Variants in SYNE1 observed in about 807,000 individuals in gnomAD.
SYNE1 encodes nesprin-1.
In SYNE1, 616 loss-of-function variants were observed where a neutral mutation model predicts 1,111.0. That is an observed-to-expected ratio of 0.55 (90% CI 0.52 to 0.59). The LOEUF is 0.59. Ranked by LOEUF, SYNE1 falls within the 20% of genes least tolerant of loss-of-function variation. The probability of loss-of-function intolerance (pLI) is 0.00; values close to 1 mark genes in which losing one functional copy is unlikely to be tolerated. For synonymous variants in SYNE1, 3,855 were observed against 3,825.8 expected (o/e 1.01, Z -0.28); for missense variants, 10,006 against 10,417.0 (o/e 0.96, Z 1.72).
intron 113 of SYNE1, 121 bp from the exon 114 acceptor site, chr6:152,231,688 G>T: frequency 9.5e-7 from 1 of 1,050,124 alleles, no homozygotes. Context: ...AGCTGAAATG[G>T]CACAATTTGT....
At chr6:152,599,493 C>T (rs1456495210) in intron 3 of SYNE1, among the ~76,000 whole-genome samples, 1 of 152,130 alleles carries the variant, frequency 6.6e-6, no homozygotes, top group Non-Finnish European at 1.5e-5. Context: ...ACAATAAATG[C>T]TTGGAATTAG....
chr6:152,319,388 G>A (rs2095816635), intron 84 of SYNE1, among the ~76,000 whole-genome samples: 1 of 152,174 alleles, frequency 6.6e-6, no homozygotes, highest in South Asian at 2.1e-4. Context: ...TTCTTCATAA[G>A]ATGGAAAATC....
chr6:152,414,209 A>G (rs2098117656), intron 41 of SYNE1, among the ~76,000 whole-genome samples: 1 of 151,838 alleles, frequency 6.6e-6, no homozygotes. Context: ...TTCAAGACCA[A>G]CCTGGGCAAC....
intron 93 of SYNE1, among the ~76,000 whole-genome samples, chr6:152,298,099 T>C (rs2153801309): frequency 6.6e-6 from 1 of 152,354 alleles, no homozygotes; most frequent in South Asian, 2.1e-4. Flanking sequence ...TTTGGACAAC[T>C]GTAGCTACTA....
At position 152,321,230 on chromosome 6, in the gene SYNE1, A is replaced by G; in HGVS notation, c.16236+8T>C. 1 of 1,613,546 alleles carries G rather than the reference A, an allele frequency of 6.2e-7. No homozygotes were observed. ...TGGAAAGACACTCTTTCTTGATCAT[A>G]GGTTTACCTGATCTCGGATCTTTAG... On this transcript the variant is annotated splice_region_variant and intron_variant, in intron 84 of 145. Coordinates refer to ENST00000367255, the MANE Select transcript of SYNE1 (RefSeq NM_182961.4).
rs899329888 is a variant in SYNE1 at position 152,455,718 on chromosome 6, A to T, written c.2728-128T>A. 4.3e-6 allele frequency: 6 copies of T among 1,408,072 alleles called. No individual in the cohort carries two copies. In the Admixed American group the frequency reaches 9.1e-5, roughly 21 times the overall value. The allele number at this position is 1,408,072 out of a possible 1,614,324, so 87.2% of individuals were successfully genotyped here. A position where few individuals can be genotyped will look rare whatever the true frequency, so the allele number is the denominator to read the frequency against. On this transcript the variant is annotated intron_variant, in intron 23 of 145. Coordinates refer to ENST00000367255, the MANE Select transcript of SYNE1 (RefSeq NM_182961.4). ...CATTTCATCATCATGGGAATAATTA[A>T]CTCTTTTCAATATTAATTAATATTA...
chr6:152,397,479 C>G (rs548985), intron 49 of SYNE1, among the ~76,000 whole-genome samples: 59,379 of 151,894 alleles, frequency 0.39, 12,060 homozygotes, highest in East Asian at 0.76. Context: ...CTCCCCAGAG[C>G]TCTAGAGTGG....
chr6:152,184,631 TATAGATAGATAGATAGATAG>T (rs59272369), intron 128 of SYNE1, among the ~76,000 whole-genome samples: 1,733 of 143,014 alleles, frequency 0.012, 19 homozygotes, highest in Non-Finnish European at 0.017. Flanking sequence ...TATACACATA[TATAGATAGATAGATAGATAG>T]ATAGATAGAT....
At chr6:152,298,055 A>G (rs1046979550) in intron 93 of SYNE1, among the ~76,000 whole-genome samples, 9 of 152,234 alleles carry the variant, frequency 5.9e-5, no homozygotes, top group Admixed American at 6.5e-5. Context: ...TGCCTAAGTT[A>G]TAAGACTTAT....
intron 3 of SYNE1, among the ~76,000 whole-genome samples, chr6:152,611,513 T>C (rs1271169314): frequency 2.6e-5 from 4 of 152,086 alleles, no homozygotes; most frequent in South Asian, 2.1e-4. Context: ...CTTAGAGACC[T>C]ACAAAGAGAC....
At chr6:152,323,977 T>A (rs952244422) in intron 81 of SYNE1, among the ~76,000 whole-genome samples, 29 of 152,082 alleles carry the variant, frequency 1.9e-4, no homozygotes, top group South Asian at 4.1e-4. Flanking sequence ...AGACTATACT[T>A]AATACAGAAA....
At chr6:152,463,684 T>C (rs2154267880) in intron 18 of SYNE1, among the ~76,000 whole-genome samples, 167 bp from the exon 19 acceptor site, 1 of 152,320 alleles carries the variant, frequency 6.6e-6, no homozygotes. Flanking sequence ...AGTTTCAAAA[T>C]GTGAGCTAGA....
At chr6:152,553,497 C>G (rs1345925409) in intron 3 of SYNE1, among the ~76,000 whole-genome samples, 2 of 152,128 alleles carry the variant, frequency 1.3e-5, no homozygotes, top group Non-Finnish European at 1.5e-5. Context: ...TAGAGCACCT[C>G]CAAGCTAGGC....
chr6:152,343,961 C>T, intron 74 of SYNE1, 120 bp downstream of exon 74: 1 of 1,432,360 alleles, frequency 7.0e-7, no homozygotes, highest in Non-Finnish European at 9.7e-7. Context: ...CTCAGACCTT[C>T]TTCCTACTTT....
intron 51 of SYNE1, among the ~76,000 whole-genome samples, chr6:152,391,974 A>G (rs573131113): frequency 6.6e-6 from 1 of 152,298 alleles, no homozygotes; most frequent in African/African-American, 2.4e-5. Context: ...GCTGTCTTGT[A>G]TCTACATGGA....
chr6:152,552,567 A>T (rs774237782), intron 3 of SYNE1, among the ~76,000 whole-genome samples: 2 of 152,086 alleles, frequency 1.3e-5, no homozygotes, highest in Non-Finnish European at 2.9e-5. Context: ...ACGTAAAGAG[A>T]GCTACAATTT....
chr6:152,510,497 G>A, intron 7 of SYNE1, 126 bp from the exon 8 acceptor site: 1 of 1,078,740 alleles, frequency 9.3e-7, no homozygotes, highest in South Asian at 1.4e-5. Context: ...CAAAATGCAA[G>A]CTCTTAAAGG....
intron 3 of SYNE1, among the ~76,000 whole-genome samples, chr6:152,559,642 G>A (rs1026871763): frequency 1.4e-4 from 21 of 152,102 alleles, no homozygotes; most frequent in African/African-American, 5.1e-4. Context: ...TAAGTTCTAA[G>A]AGGATGGTTT....
At position 152,132,203 on chromosome 6, in the gene SYNE1, G is replaced by T; in HGVS notation, c.26013C>A (p.Ser8671=). ...TGTCCAGTTCATCAGCAGAAGACCA[G>T]GAAGACAAATCCTATGTGGGAGAAA... ...DVSSSQQDLS[S]WSSADELDTS... is the part of the protein sequence containing the mutation. Residue 8671 remains serine, a synonymous_variant, in exon 144 of 146, where the codon TCC becomes TCA. Coordinates refer to ENST00000367255, the MANE Select transcript of SYNE1 (RefSeq NM_182961.4). 6.2e-7 allele frequency: 1 copy of T among 1,614,098 alleles called. No homozygotes were observed. The highest frequency in any genetic ancestry group is 1.3e-5 in the African/African-American group (1 of 75,046).
Sources: allele counts gnomAD v4.1 joint callset (sites outside exome capture counted in the v4.1 genomes callset), GRCh38; gene constraint gnomAD v4.1.1; transcripts MANE v1.5; gene names NCBI Gene and HGNC (gene_info 2026-07-23, HGNC 2026-07-21).